ITFG1: variants seen among roughly 807,000 people sequenced by gnomAD.
ITFG1 encodes the protein integrin alpha FG-GAP repeat containing 1, also known as T-cell immunomodulatory protein.
Under a neutral mutation model 81.8 loss-of-function variants are expected in ITFG1, and 34 were observed. That is an observed-to-expected ratio of 0.42 (90% confidence interval 0.32 to 0.55). The LOEUF is 0.55. ITFG1 is among the 20% of genes least tolerant of loss of function. The pLI, the probability that ITFG1 is intolerant of heterozygous loss-of-function variation, is 0.17. For synonymous variants in ITFG1, 285 were observed against 270.6 expected (o/e 1.05, Z -0.52); for missense variants, 672 against 755.4 (o/e 0.89, Z 1.29).
At chr16:47,436,250 C>T (rs544287958) in intron 5 of ITFG1, among the ~76,000 whole-genome samples, 2 of 152,036 alleles carry the variant, frequency 1.3e-5, no homozygotes, top group Admixed American at 6.5e-5. Context: ...CAAACCTGCA[C>T]GTTGTGCACA....
chr16:47,202,829 T>G (rs745865458), intron 14 of ITFG1, among the ~76,000 whole-genome samples: 1 of 152,024 alleles, frequency 6.6e-6, no homozygotes, highest in Non-Finnish European at 1.5e-5. Context: ...CCCAACAGAA[T>G]GGCTGCCAAA....
chr16:47,232,597 A>C (rs991673797), intron 13 of ITFG1, among the ~76,000 whole-genome samples: 3 of 151,224 alleles, frequency 2.0e-5, no homozygotes, highest in Admixed American at 1.3e-4. Flanking sequence ...ATATTTTTGA[A>C]GTTGGGTATG....
chr16:47,238,397 C>T (rs1490376731), intron 12 of ITFG1: 1 of 157,262 alleles, frequency 6.4e-6, no homozygotes, highest in Non-Finnish European at 1.4e-5. Flanking sequence ...CATCTACATT[C>T]AGTACTTTAT....
chr16:47,327,359 A>C (rs1469531638), intron 8 of ITFG1, among the ~76,000 whole-genome samples: 1 of 152,228 alleles, frequency 6.6e-6, no homozygotes, highest in Non-Finnish European at 1.5e-5. Flanking sequence ...TTAGACCTAA[A>C]ACCATAAAAA....
intron 7 of ITFG1, among the ~76,000 whole-genome samples, chr16:47,371,025 T>C (rs974948516): frequency 1.3e-5 from 2 of 152,242 alleles, no homozygotes; most frequent in African/African-American, 4.8e-5. Flanking sequence ...CTTACTGTGA[T>C]GTTCTTACCG....
At chr16:47,339,551 T>C (rs532052529) in intron 8 of ITFG1, among the ~76,000 whole-genome samples, 96 of 152,192 alleles carry the variant, frequency 6.3e-4, no homozygotes, top group South Asian at 1.7e-3. Flanking sequence ...AAACAGATAC[T>C]CTGGACCTGA....
At chr16:47,450,430 T>C (rs1969374177) in intron 5 of ITFG1, 2 of 421,322 alleles carry the variant, frequency 4.7e-6, no homozygotes, top group South Asian at 3.4e-5. Flanking sequence ...TCAGAAGAGA[T>C]GGGGCGCGTT....
chr16:47,362,301 T>C (rs1267219615), intron 8 of ITFG1, among the ~76,000 whole-genome samples: 1 of 152,184 alleles, frequency 6.6e-6, no homozygotes, highest in Non-Finnish European at 1.5e-5. Flanking sequence ...CATCAAAATC[T>C]CAGGCACCTC....
chr16:47,239,442 G>A (rs777702989), intron 12 of ITFG1, among the ~76,000 whole-genome samples: 1 of 151,986 alleles, frequency 6.6e-6, no homozygotes, highest in Admixed American at 6.6e-5. Context: ...CTTGTGATCC[G>A]CCTGCCTCGG....
intron 14 of ITFG1, among the ~76,000 whole-genome samples, chr16:47,217,760 C>T (rs1314832808): frequency 3.9e-5 from 6 of 152,084 alleles, no homozygotes; most frequent in Admixed American, 3.9e-4. Context: ...CCCATCTCTA[C>T]TAAAAATATA....
intron 14 of ITFG1, among the ~76,000 whole-genome samples, chr16:47,191,594 C>T (rs1211717169): frequency 6.6e-6 from 1 of 152,142 alleles, no homozygotes; most frequent in Non-Finnish European, 1.5e-5. Flanking sequence ...CTGCAACCTC[C>T]AACTCCTGGG....
intron 14 of ITFG1, among the ~76,000 whole-genome samples, chr16:47,210,244 G>A (rs941847528): frequency 1.3e-5 from 2 of 152,092 alleles, no homozygotes; most frequent in East Asian, 3.8e-4. Flanking sequence ...CATTCCGATA[G>A]GTGTGTAGTA....
At chr16:47,303,779 A>G (rs941553575) in intron 10 of ITFG1, among the ~76,000 whole-genome samples, 2 of 152,120 alleles carry the variant, frequency 1.3e-5, no homozygotes, top group African/African-American at 4.8e-5. Context: ...GCCTGCCACC[A>G]TGCCTGGCTA....
At chr16:47,368,051 G>A (rs1215032363) in intron 7 of ITFG1, among the ~76,000 whole-genome samples, 1 of 151,558 alleles carries the variant, frequency 6.6e-6, no homozygotes, top group Non-Finnish European at 1.5e-5. Context: ...TGGCTAACAC[G>A]GTGAAACCCC....
At chr16:47,243,282 G>A (rs1965958985) in intron 12 of ITFG1, among the ~76,000 whole-genome samples, 1 of 152,016 alleles carries the variant, frequency 6.6e-6, no homozygotes, top group Non-Finnish European at 1.5e-5. Flanking sequence ...GTTGTCTCTG[G>A]GAAGAGAATT....
At chr16:47,409,485 G>A (rs1367286540) in intron 6 of ITFG1, among the ~76,000 whole-genome samples, 5 of 125,280 alleles carry the variant, frequency 4.0e-5, no homozygotes, top group African/African-American at 6.1e-5. Flanking sequence ...GCACGATCTC[G>A]GCTCACTGCA....
chr16:47,364,257 G>A (rs913510457), intron 8 of ITFG1, among the ~76,000 whole-genome samples: 15 of 152,064 alleles, frequency 9.9e-5, no homozygotes, highest in African/African-American at 3.6e-4. Context: ...TGGAGCAATA[G>A]ATATGTTTCT....
intron 10 of ITFG1, among the ~76,000 whole-genome samples, chr16:47,283,103 C>A (rs1966467728): frequency 1.3e-5 from 2 of 151,978 alleles, no homozygotes; most frequent in African/African-American, 2.4e-5. Context: ...TTCCATGTAT[C>A]TATTTTTGTT....
At chr16:47,165,775 G>C (rs1490406353) in intron 14 of ITFG1, among the ~76,000 whole-genome samples, 1 of 152,224 alleles carries the variant, frequency 6.6e-6, no homozygotes, top group Non-Finnish European at 1.5e-5. Context: ...AGCCCAGGGA[G>C]GTTGAGGCTG....
Sources: gnomAD v4.1 joint callset for allele counts (sites outside exome capture counted in the v4.1 genomes callset) on GRCh38, gnomAD v4.1.1 for gene constraint, MANE v1.5 for transcripts, NCBI Gene and HGNC (gene_info 2026-07-23, HGNC 2026-07-21) for gene names.